FNDC3B: variants seen among roughly 807,000 people sequenced by gnomAD.
FNDC3B encodes the protein fibronectin type III domain containing 3B.
In FNDC3B, 12 loss-of-function variants were observed where a neutral mutation model predicts 151.5. The ratio of observed to expected loss-of-function variants is 0.08; its 90% CI spans 0.05 to 0.13. The LOEUF (loss-of-function observed/expected upper bound fraction) is 0.13. FNDC3B is among the 10% of genes least tolerant of loss of function. The pLI, the probability that FNDC3B is intolerant of heterozygous loss-of-function variation, is 1.00. For missense variants in FNDC3B, 1,214 were observed against 1,505.3 expected (o/e 0.81, Z 3.20); for synonymous variants, 528 against 549.0 (o/e 0.96, Z 0.54).
chr3:172,182,359 C>T (rs1040321159), intron 3 of FNDC3B, among the ~76,000 whole-genome samples: 3 of 152,122 alleles, frequency 2.0e-5, no homozygotes, highest in African/African-American at 7.2e-5. Flanking sequence ...AAGGTTGAGT[C>T]GTAAGTGGCC....
At chr3:172,388,015 G>T (rs1265824609) in intron 25 of FNDC3B, among the ~76,000 whole-genome samples, 1 of 152,210 alleles carries the variant, frequency 6.6e-6, no homozygotes, top group African/African-American at 2.4e-5. Context: ...AATTCTGGAG[G>T]AATTAATTCA....
chr3:172,101,106 C>A (rs542647933), intron 1 of FNDC3B, among the ~76,000 whole-genome samples: 1 of 152,084 alleles, frequency 6.6e-6, no homozygotes, highest in South Asian at 2.1e-4. Flanking sequence ...GAATTCTATA[C>A]GAGCTGATTA....
intron 6 of FNDC3B, among the ~76,000 whole-genome samples, chr3:172,277,254 T>A (rs1204993592): frequency 1.3e-5 from 2 of 152,232 alleles, no homozygotes; most frequent in African/African-American, 4.8e-5. Flanking sequence ...GCTATAATTA[T>A]AGCAGCCTGA....
intron 1 of FNDC3B, among the ~76,000 whole-genome samples, chr3:172,047,570 C>CTGGT (rs1716425512): frequency 6.6e-6 from 1 of 152,072 alleles, no homozygotes; most frequent in South Asian, 2.1e-4. Flanking sequence ...TGCTGGTCTG[C>CTGGT]TGGTGGTCTT....
At chr3:172,074,210 G>C (rs1717904458) in intron 1 of FNDC3B, among the ~76,000 whole-genome samples, 1 of 152,228 alleles carries the variant, frequency 6.6e-6, no homozygotes, top group Non-Finnish European at 1.5e-5. Context: ...TGTGGCCATT[G>C]TGAGTGCCAC....
At chr3:172,119,906 G>T (rs1459447445) in intron 2 of FNDC3B, among the ~76,000 whole-genome samples, 2 of 152,082 alleles carry the variant, frequency 1.3e-5, no homozygotes, top group African/African-American at 2.4e-5. Context: ...AGCAACCCTT[G>T]CTTTGAGGGC....
intron 3 of FNDC3B, among the ~76,000 whole-genome samples, chr3:172,208,543 A>C (rs1016096698): frequency 3.9e-5 from 6 of 152,174 alleles, no homozygotes; most frequent in African/African-American, 9.7e-5. Context: ...CGTTGTACAT[A>C]TTGTTGGAGT....
In FNDC3B at chr3:172,112,384, G is replaced by A. The variant is rs139603526; in HGVS notation, c.-28-68G>A. 95 of 800,002 alleles carry A rather than the reference G, an allele frequency of 1.2e-4. 1 individual carries two copies. Among genetic ancestry groups the A allele is most frequent in the African/African-American group, 8.9e-4 (53 of 59,610 alleles). The allele number at this position is 800,002 out of a possible 1,614,324, so 49.6% of individuals were successfully genotyped here. ...CGATGGAGCACTTAGATTGTTATGT[G>A]ACTTGTTGTGTTACAGGTGATTTTT... On this transcript the variant is annotated intron_variant, in intron 1 of 25. Coordinates refer to ENST00000415807, the MANE Select transcript of FNDC3B (RefSeq NM_022763.4).
chr3:172,061,453 C>T (rs1376892478), intron 1 of FNDC3B, among the ~76,000 whole-genome samples: 2 of 151,964 alleles, frequency 1.3e-5, no homozygotes, highest in South Asian at 2.1e-4. Context: ...AGGATGGTCT[C>T]GATCTCCTGA....
intron 3 of FNDC3B, among the ~76,000 whole-genome samples, chr3:172,203,517 A>T (rs1304853533): frequency 6.6e-6 from 1 of 152,226 alleles, no homozygotes; most frequent in Non-Finnish European, 1.5e-5. Context: ...CTGCATAAGC[A>T]TTTTATTTTG....
chr3:172,133,672 C>G (rs530804931), intron 3 of FNDC3B, 126 bp downstream of exon 3: 6 of 764,568 alleles, frequency 7.8e-6, no homozygotes, highest in African/African-American at 1.7e-5. Context: ...TATTCATTTT[C>G]TTTTTTTTTC....
chr3:172,372,956 C>T (rs754730614), intron 23 of FNDC3B, among the ~76,000 whole-genome samples: 6 of 152,154 alleles, frequency 3.9e-5, no homozygotes, highest in East Asian at 1.9e-4. Context: ...GGCAGTAAAG[C>T]GCAGAGCTGG....
At chr3:172,294,420 G>C (rs1008863636) in intron 7 of FNDC3B, among the ~76,000 whole-genome samples, 2 of 152,318 alleles carry the variant, frequency 1.3e-5, no homozygotes, top group African/African-American at 2.4e-5. Flanking sequence ...GTCTTACGTT[G>C]CCCGAGAAGG....
intron 3 of FNDC3B, among the ~76,000 whole-genome samples, chr3:172,144,929 A>G (rs978938895): frequency 1.3e-5 from 2 of 151,856 alleles, no homozygotes; most frequent in Admixed American, 1.3e-4. Context: ...TTCCTTTATG[A>G]TTCCTGCTTT....
intron 1 of FNDC3B, among the ~76,000 whole-genome samples, chr3:172,096,816 C>T (rs185787918): frequency 3.9e-4 from 60 of 152,010 alleles, no homozygotes; most frequent in African/African-American, 1.3e-3. Context: ...ATGTATTATA[C>T]GCTATAACGC....
chr3:172,323,532 C>A (rs1037166913), intron 11 of FNDC3B, among the ~76,000 whole-genome samples: 3 of 152,084 alleles, frequency 2.0e-5, no homozygotes, highest in Non-Finnish European at 4.4e-5. Flanking sequence ...CACACACACA[C>A]AAAAAGTAGA....
At chr3:172,331,144 G>A (rs1732636798) in intron 13 of FNDC3B, among the ~76,000 whole-genome samples, 1 of 152,054 alleles carries the variant, frequency 6.6e-6, no homozygotes, top group South Asian at 2.1e-4. Flanking sequence ...TCTCCATACA[G>A]AGCCTGGGTG....
At chr3:172,194,292 A>G (rs1724718290) in intron 3 of FNDC3B, among the ~76,000 whole-genome samples, 1 of 152,238 alleles carries the variant, frequency 6.6e-6, no homozygotes. Context: ...TTATTCAACC[A>G]GCAGCCCTTA....
At chr3:172,339,792 T>C (rs1184230757) in intron 16 of FNDC3B, among the ~76,000 whole-genome samples, 1 of 152,174 alleles carries the variant, frequency 6.6e-6, no homozygotes, top group Non-Finnish European at 1.5e-5. Flanking sequence ...GAGTGAGTGA[T>C]TGAATCTTTT....
Sources: allele counts gnomAD v4.1 joint callset (sites outside exome capture counted in the v4.1 genomes callset), GRCh38; gene constraint gnomAD v4.1.1; transcripts MANE v1.5; gene names NCBI Gene and HGNC (gene_info 2026-07-23, HGNC 2026-07-21).